Variants in MACROD2 observed in about 807,000 individuals in gnomAD.
MACROD2 encodes the protein mono-ADP ribosylhydrolase 2.
Under a neutral mutation model 70.4 loss-of-function variants are expected in MACROD2, and 36 were observed. That is an observed-to-expected ratio of 0.51 (90% confidence interval 0.39 to 0.68). The LOEUF (loss-of-function observed/expected upper bound fraction) is 0.68, where lower values mean the gene tolerates loss of function less well. Among genes scored for constraint, MACROD2 ranks in the 30% least tolerant of loss-of-function variants. The pLI is 0.00. For synonymous variants in MACROD2, 172 were observed against 178.8 expected, an observed-to-expected ratio of 0.96 and a Z score of 0.30; for missense variants, 496 against 538.4, an observed-to-expected ratio of 0.92 and a Z score of 0.78.
intron 8 of MACROD2, among the ~76,000 whole-genome samples, chr20:15,767,070 T>G (rs922959583): frequency 1.1e-4 from 17 of 152,380 alleles, no homozygotes; most frequent in African/African-American, 3.8e-4. Flanking sequence ...CAAGAGTTTA[T>G]GTACACTTCA....
At chr20:14,398,161 T>G (rs2083600495) in intron 3 of MACROD2, among the ~76,000 whole-genome samples, 2 of 152,216 alleles carry the variant, frequency 1.3e-5, no homozygotes, top group Admixed American at 1.3e-4. Context: ...GATGGACATT[T>G]AGATGAATTA....
At chr20:15,695,644 C>A (rs1410414343) in intron 8 of MACROD2, among the ~76,000 whole-genome samples, 1 of 152,046 alleles carries the variant, frequency 6.6e-6, no homozygotes, top group Non-Finnish European at 1.5e-5. Flanking sequence ...CTCCTGACCT[C>A]GTGATCCACC....
At chr20:15,896,389 A>G (rs985288843) in intron 10 of MACROD2, among the ~76,000 whole-genome samples, 4 of 152,194 alleles carry the variant, frequency 2.6e-5, no homozygotes, top group Admixed American at 6.5e-5. Flanking sequence ...TCCAGCATAT[A>G]TAGTCATAAT....
Position 13,995,850 on chromosome 20 carries a change from G to GGGGGGGGT in MACROD2, c.46+41_46+42insGGGGGGGT. 3 of 505,088 alleles carry GGGGGGGGT rather than the reference G, an allele frequency of 5.9e-6. No homozygotes were observed. Among genetic ancestry groups the GGGGGGGGT allele is most frequent in the Non-Finnish European group, 1.1e-5 (3 of 266,310 alleles). 31.3% of individuals were successfully genotyped at this position (505,088 alleles called of 1,614,324 possible). A position where few individuals can be genotyped will look rare whatever the true frequency, so the allele number is the denominator to read the frequency against. ...AGTCCTGGGGGTGCGGGCGGTGGGG[G>GGGGGGGGT]TTAGGGTGGGGGCGGGGGTCAGGCT... On this transcript the variant is annotated intron_variant, in intron 1 of 17. Transcript: ENST00000684519. This position sits in a 1 kb window ranked among gnomAD's most constrained non-coding sequence, Gnocchi z 4.3.
intron 5 of MACROD2, among the ~76,000 whole-genome samples, chr20:15,052,302 TTTTATTGTGTTTTGC>T (rs2075448685): frequency 6.6e-6 from 1 of 152,134 alleles, no homozygotes; most frequent in Non-Finnish European, 1.5e-5. Flanking sequence ...GCATCGCTTG[TTTTATTGTGTTTTGC>T]TTTATTGTGC....
At chr20:14,012,655 G>T (rs1329760697) in intron 2 of MACROD2, among the ~76,000 whole-genome samples, 1 of 152,082 alleles carries the variant, frequency 6.6e-6, no homozygotes, top group East Asian at 1.9e-4. Context: ...ATTATTAATG[G>T]CACTTTGTGT....
intron 6 of MACROD2, among the ~76,000 whole-genome samples, chr20:15,270,500 G>A (rs1238657405): frequency 1.3e-5 from 2 of 152,092 alleles, no homozygotes; most frequent in Non-Finnish European, 2.9e-5. Context: ...TTGAGGTTAT[G>A]GAACTGTTCT....
chr20:15,550,576 A>C (rs192246537), intron 8 of MACROD2, among the ~76,000 whole-genome samples: 1 of 152,180 alleles, frequency 6.6e-6, no homozygotes, highest in Non-Finnish European at 1.5e-5. Context: ...TCATTTTAAT[A>C]GTTTATGAGC....
intron 5 of MACROD2, among the ~76,000 whole-genome samples, chr20:15,203,320 G>A (rs2076673579): frequency 6.6e-6 from 1 of 151,972 alleles, no homozygotes; most frequent in Non-Finnish European, 1.5e-5. Context: ...TTGAATCAAT[G>A]GTTTATTTTC....
At chr20:15,577,489 T>C (rs988452041) in intron 8 of MACROD2, among the ~76,000 whole-genome samples, 20 of 152,206 alleles carry the variant, frequency 1.3e-4, no homozygotes, top group Admixed American at 2.6e-4. Flanking sequence ...TATCGTTAAA[T>C]ATTCTGCCAG....
chr20:14,124,110 TA>T (rs760554375), intron 3 of MACROD2, among the ~76,000 whole-genome samples: 1 of 152,220 alleles, frequency 6.6e-6, no homozygotes, highest in Non-Finnish European at 1.5e-5. Context: ...GATTTGTTTC[TA>T]TTTGTATAAA....
chr20:15,882,065 G>GA (rs1401397702), intron 9 of MACROD2, among the ~76,000 whole-genome samples: 1 of 152,062 alleles, frequency 6.6e-6, no homozygotes, highest in African/African-American at 2.4e-5. Flanking sequence ...TTCAGATGAA[G>GA]AAACTGACAT....
chr20:14,254,970 TGTAAA>T (rs1351475328), intron 3 of MACROD2, among the ~76,000 whole-genome samples: 1 of 152,156 alleles, frequency 6.6e-6, no homozygotes, highest in Non-Finnish European at 1.5e-5. Context: ...TTTGCTTGTC[TGTAAA>T]GTATTTTATT....
chr20:15,561,551 T>C (rs1387772345), intron 8 of MACROD2, among the ~76,000 whole-genome samples: 3 of 152,146 alleles, frequency 2.0e-5, no homozygotes, highest in African/African-American at 7.2e-5. Context: ...AACCAGTATG[T>C]TTGGGGCCTC....
chr20:15,139,677 A>G (rs1743471), intron 5 of MACROD2, among the ~76,000 whole-genome samples: 88,533 of 151,924 alleles, frequency 0.58, 25,902 homozygotes, highest in East Asian at 0.61. Context: ...CGTAAAAACA[A>G]TTACCCTGAA....
intron 5 of MACROD2, among the ~76,000 whole-genome samples, chr20:14,835,751 C>T (rs1465030885): frequency 6.6e-6 from 1 of 152,006 alleles, no homozygotes; most frequent in Non-Finnish European, 1.5e-5. Flanking sequence ...CCTTAAGAAA[C>T]TGTGGCCATT....
chr20:14,972,432 G>T (rs912439203), intron 5 of MACROD2, among the ~76,000 whole-genome samples: 1 of 152,048 alleles, frequency 6.6e-6, no homozygotes, highest in African/African-American at 2.4e-5. Context: ...ATAGGGTTGG[G>T]TCTGTCTGTG....
At chr20:15,668,252 T>G (rs1230895524) in intron 8 of MACROD2, among the ~76,000 whole-genome samples, 1 of 149,190 alleles carries the variant, frequency 6.7e-6, no homozygotes, top group East Asian at 2.0e-4. Flanking sequence ...AGAGCGAGAC[T>G]CTGTCTAAAA....
At chr20:15,662,815 T>C (rs1306276366) in intron 8 of MACROD2, among the ~76,000 whole-genome samples, 1 of 151,790 alleles carries the variant, frequency 6.6e-6, no homozygotes, top group African/African-American at 2.4e-5. Flanking sequence ...TATGAAAATA[T>C]TGCAGTTGGT....
Sources: gnomAD v4.1 joint callset for allele counts (sites outside exome capture counted in the v4.1 genomes callset) on GRCh38, gnomAD v4.1.1 for gene constraint, Gnocchi (gnomAD v3.1) non-coding constraint, MANE v1.5 for transcripts, NCBI Gene and HGNC (gene_info 2026-07-23, HGNC 2026-07-21) for gene names.